PUS7: variants seen among roughly 807,000 people sequenced by gnomAD.
PUS7 encodes pseudouridylate synthase 7 homolog.
In PUS7, 48 loss-of-function variants were observed where a neutral mutation model predicts 79.8. The ratio of observed to expected loss-of-function variants is 0.60; its 90% CI spans 0.48 to 0.76. The LOEUF (loss-of-function observed/expected upper bound fraction) is 0.76. Among genes scored for constraint, PUS7 ranks in the 30% least tolerant of loss-of-function variants. The probability of loss-of-function intolerance (pLI) is 0.00; values close to 1 mark genes in which losing one functional copy is unlikely to be tolerated. For missense variants in PUS7, 729 were observed against 797.6 expected (o/e 0.91, Z 1.04); for synonymous variants, 286 against 272.2 (o/e 1.05, Z -0.50).
intron 14 of PUS7, among the ~76,000 whole-genome samples, chr7:105,461,722 C>T (rs1056127892): frequency 6.6e-6 from 1 of 152,230 alleles, no homozygotes; most frequent in African/African-American, 2.4e-5. Context: ...GTAAACATCA[C>T]AGAATGTACT....
At chr7:105,461,656 T>G (rs566406760) in intron 14 of PUS7, among the ~76,000 whole-genome samples, 2 of 152,344 alleles carry the variant, frequency 1.3e-5, no homozygotes, top group South Asian at 4.1e-4. Context: ...AGTACAGTCA[T>G]GCACTGCTTA....
intron 5 of PUS7, among the ~76,000 whole-genome samples, chr7:105,500,224 G>A (rs746598758): frequency 2.6e-5 from 4 of 152,066 alleles, no homozygotes; most frequent in Non-Finnish European, 5.9e-5. Context: ...GTGTCCAAAC[G>A]AAAATGGGGA....
chr7:105,484,911 G>GGA (rs1483097994), intron 7 of PUS7, among the ~76,000 whole-genome samples: 1 of 145,978 alleles, frequency 6.9e-6, no homozygotes, highest in Non-Finnish European at 1.5e-5. Context: ...CGCCCAGGCT[G>GGA]GAGTGCAGTG....
Position 105,459,244 on chromosome 7 carries a change from A to G in PUS7, c.1773T>C (p.Tyr591=), listed in dbSNP as rs1823316452. 6.2e-7 allele frequency: 1 copy of G among 1,610,312 alleles called. No individual in the cohort carries two copies. Among genetic ancestry groups the G allele is most frequent in the South Asian group, 1.1e-5 (1 of 90,702 alleles). The change falls in exon 15 of 16, where the codon TAT becomes TAC. Residue 591 remains tyrosine, a synonymous_variant. Transcript: ENST00000469408. ...PQNVSWEVVA[Y]DDPKIPLFNT... Reference sequence around the variant, plus strand: ...TGAAAAGTGGAATTTTGGGATCATCATATGCAACGACTTCCCTTCAAAACA... The same window carrying G: ...TGAAAAGTGGAATTTTGGGATCATCGTATGCAACGACTTCCCTTCAAAACA...
At chr7:105,473,299 G>A (rs1477697813) in intron 9 of PUS7, among the ~76,000 whole-genome samples, 3 of 152,086 alleles carry the variant, frequency 2.0e-5, no homozygotes, top group African/African-American at 2.4e-5. Context: ...GTCTAGGCTG[G>A]AATGCAGTGG....
intron 4 of PUS7, 96 bp from the exon 5 acceptor site, chr7:105,502,660 A>C: frequency 9.0e-6 from 12 of 1,338,450 alleles, no homozygotes; most frequent in Non-Finnish European, 9.3e-6. Flanking sequence ...CACCTTATTA[A>C]CTACGCAAAA....
chr7:105,463,125 G>A (rs768579127), intron 13 of PUS7, among the ~76,000 whole-genome samples: 3 of 152,192 alleles, frequency 2.0e-5, no homozygotes, highest in African/African-American at 7.2e-5. Context: ...GGAAGAGGCA[G>A]TTATAAATAA....
At chr7:105,476,518 C>T (rs888578109) in intron 9 of PUS7, among the ~76,000 whole-genome samples, 2 of 152,010 alleles carry the variant, frequency 1.3e-5, no homozygotes, top group African/African-American at 2.4e-5. Flanking sequence ...CCACCACGCC[C>T]GGCTAATTTT....
intron 1 of PUS7, among the ~76,000 whole-genome samples, chr7:105,517,286 A>G (rs1159742380): frequency 6.6e-6 from 1 of 152,082 alleles, no homozygotes. Context: ...CCTCCCAAGT[A>G]GCTGAGAGTA....
intron 7 of PUS7, among the ~76,000 whole-genome samples, chr7:105,488,768 AAT>A (rs1824656004): frequency 6.6e-6 from 1 of 152,208 alleles, no homozygotes; most frequent in Non-Finnish European, 1.5e-5. Context: ...TCCCTCAAAA[AAT>A]ATATACCATG....
At chr7:105,501,384 A>G (rs1198822714) in intron 5 of PUS7, among the ~76,000 whole-genome samples, 2 of 152,072 alleles carry the variant, frequency 1.3e-5, no homozygotes, top group Non-Finnish European at 2.9e-5. Flanking sequence ...TTTATCTGTC[A>G]ATTTGGTAGG....
chr7:105,496,220 T>G (rs377455456), intron 5 of PUS7, among the ~76,000 whole-genome samples: 44,411 of 81,696 alleles, frequency 0.54, 11,572 homozygotes, highest in Non-Finnish European at 0.62. Flanking sequence ...TATATATATA[T>G]ATATATAGAG....
intron 13 of PUS7, among the ~76,000 whole-genome samples, chr7:105,464,025 G>C (rs186402969): frequency 7.6e-4 from 115 of 152,266 alleles, no homozygotes; most frequent in Non-Finnish European, 1.2e-3. Flanking sequence ...TCGGGTACCA[G>C]GTATGCATGT....
intron 5 of PUS7, among the ~76,000 whole-genome samples, chr7:105,495,856 T>C (rs1022917256): frequency 2.6e-5 from 4 of 152,176 alleles, no homozygotes; most frequent in African/African-American, 9.7e-5. Flanking sequence ...TGTTCAATCC[T>C]GTGTTAAACA....
At chr7:105,492,500 ATTTTTTTTT>A (rs1159017117) in intron 6 of PUS7, among the ~76,000 whole-genome samples, 2 of 87,324 alleles carry the variant, frequency 2.3e-5, no homozygotes, top group East Asian at 3.1e-4. Flanking sequence ...GATTTTTTGT[ATTTTTTTTT>A]TTTTTTTTTT....
intron 1 of PUS7, among the ~76,000 whole-genome samples, chr7:105,520,470 G>T (rs938524428): frequency 2.6e-5 from 3 of 114,950 alleles, no homozygotes; most frequent in Non-Finnish European, 6.5e-5. Flanking sequence ...ACGAGTGGAT[G>T]GAGGTGCTGC....
At chr7:105,492,213 C>T (rs1346375469) in intron 6 of PUS7, among the ~76,000 whole-genome samples, 13 of 151,960 alleles carry the variant, frequency 8.6e-5, no homozygotes, top group South Asian at 2.1e-4. Flanking sequence ...GGCTACAGTG[C>T]GCTATGATGG....
intron 9 of PUS7, among the ~76,000 whole-genome samples, chr7:105,474,766 GC>G (rs1824020587): frequency 6.6e-6 from 1 of 152,166 alleles, no homozygotes. Context: ...GGGCGACAGA[GC>G]AAGACTGTGT....
At chr7:105,479,124 G>A (rs1445502688) in intron 9 of PUS7, among the ~76,000 whole-genome samples, 1 of 152,156 alleles carries the variant, frequency 6.6e-6, no homozygotes, top group Non-Finnish European at 1.5e-5. Flanking sequence ...AAAAATAGAT[G>A]TAGCATAAAC....
Sources: allele counts gnomAD v4.1 joint callset (sites outside exome capture counted in the v4.1 genomes callset), GRCh38; gene constraint gnomAD v4.1.1; transcripts MANE v1.5; gene names NCBI Gene and HGNC (gene_info 2026-07-23, HGNC 2026-07-21).